Variants in STYK1 observed in about 807,000 individuals in gnomAD.
STYK1 encodes tyrosine-protein kinase STYK1.
STYK1 carries 46 observed loss-of-function variants against 48.1 expected under a neutral mutation model. The observed-to-expected ratio is 0.96, with a 90% CI of 0.75 to 1.22. The LOEUF (loss-of-function observed/expected upper bound fraction) is 1.22. Ranked by LOEUF, STYK1 falls within the 50% of genes most tolerant of loss-of-function variation. The pLI is 0.00. For synonymous variants in STYK1, 188 were observed against 189.0 expected (o/e 0.99, Z 0.04); for missense variants, 527 against 521.1 (o/e 1.01, Z -0.11).
intron 1 of STYK1, among the ~76,000 whole-genome samples, chr12:10,658,493 T>A (rs1330004272): frequency 1.3e-5 from 2 of 152,244 alleles, no homozygotes; most frequent in African/African-American, 4.8e-5. Flanking sequence ...TTTTGAGTTA[T>A]CGTTTTGGCT....
At chr12:10,640,129 T>G (rs1276593825) in intron 1 of STYK1, among the ~76,000 whole-genome samples, 2 of 152,194 alleles carry the variant, frequency 1.3e-5, no homozygotes, top group African/African-American at 4.8e-5. Flanking sequence ...TGATCCCCAA[T>G]CCTATTTCTA....
At chr12:10,623,462 A>G (rs1023996955) in intron 8 of STYK1, among the ~76,000 whole-genome samples, 2 of 152,302 alleles carry the variant, frequency 1.3e-5, no homozygotes, top group South Asian at 2.1e-4. Context: ...CCAAAAGTCA[A>G]TTGTGATTCT....
chr12:10,631,122 C>A lies in STYK1; in HGVS notation c.374G>T (p.Cys125Phe), dbSNP rs753832021. 6.2e-7 allele frequency: 1 copy of A among 1,614,184 alleles called. No individual in the cohort carries two copies. Residue 125 changes from cysteine to phenylalanine, a missense_variant, in exon 5 of 11, where the codon TGT (cysteine) becomes TTT (phenylalanine). Cys to Phe is a radical substitution (Grantham distance 205). Coordinates refer to ENST00000075503, the MANE Select transcript of STYK1 (RefSeq NM_018423.3). ...EVLEQICSGS[C>F]GPIFRANMNT... ...CATATTGGCTCGAAAGATGGGCCCA[C>A]AGCTACCACTGCAAATCTGCTCCAG...
Position 10,672,774 on chromosome 12 carries a change from CT to C in STYK1, c.-195+1191del, listed in dbSNP as rs375922621. Among the ~76,000 whole-genome samples the C allele has an allele frequency of 7.6e-4, 115 of 152,262 alleles. 2 individuals carry two copies. The East Asian group carries it at 0.015, about 20-fold the overall frequency. On this transcript the variant is annotated intron_variant, in intron 1 of 10. Coordinates refer to ENST00000075503, the MANE Select transcript of STYK1 (RefSeq NM_018423.3). This position sits in a 1 kb window ranked among gnomAD's most constrained non-coding sequence, Gnocchi z 4.0. The stretch of plus-strand genomic sequence containing the variant: ...TTTGTGGTACCTTGTTACAGCAGCC[CT>C]AGCAAACTCACACAGTAATGGAGGC...
At chr12:10,648,423 A>G (rs1947623971) in intron 1 of STYK1, among the ~76,000 whole-genome samples, 1 of 152,104 alleles carries the variant, frequency 6.6e-6, no homozygotes, top group Non-Finnish European at 1.5e-5. Context: ...GAAAACCACT[A>G]ATATGCCAAT....
intron 1 of STYK1, chr12:10,640,530 C>T (rs1451777371): frequency 1.3e-5 from 2 of 152,158 alleles, no homozygotes; most frequent in East Asian, 3.9e-4. Context: ...TGCCCTCCCC[C>T]ATTTCCTAGA....
intron 1 of STYK1, among the ~76,000 whole-genome samples, chr12:10,670,269 C>T (rs947618814): frequency 6.6e-6 from 1 of 152,126 alleles, no homozygotes; most frequent in African/African-American, 2.4e-5. Context: ...TCACATACTG[C>T]TGTCTGCACG....
chr12:10,619,122 A>G lies in STYK1; in HGVS notation c.*1022T>C, dbSNP rs1039880329. ...TTTCTATTGGCATTAACTTTCACTT[A>G]TTTACTTTTATCCTCCCTATGATAT... On this transcript the variant is annotated 3_prime_UTR_variant, in exon 11 of 11. Coordinates refer to ENST00000075503, the MANE Select transcript of STYK1 (RefSeq NM_018423.3). The G allele has an allele frequency of 6.6e-6, 1 of 152,166 alleles. No homozygotes were observed. The highest frequency in any genetic ancestry group is 1.5e-5 in the Non-Finnish European group (1 of 68,022). The allele number at this position is 152,166 out of a possible 1,614,324, so 9.4% of individuals were successfully genotyped here. A position where few individuals can be genotyped will look rare whatever the true frequency, so the allele number is the denominator to read the frequency against.
At chr12:10,669,801 A>G (rs1173905831) in intron 1 of STYK1, among the ~76,000 whole-genome samples, 1 of 152,200 alleles carries the variant, frequency 6.6e-6, no homozygotes, top group East Asian at 1.9e-4. Flanking sequence ...AAATAACTGT[A>G]CTAAAAATGA....
chr12:10,661,138 G>C (rs923794689), intron 1 of STYK1, among the ~76,000 whole-genome samples: 1 of 152,056 alleles, frequency 6.6e-6, no homozygotes, highest in African/African-American at 2.4e-5. Flanking sequence ...CAAGAAAAAA[G>C]TAATCTTCAA....
At chr12:10,623,996 G>A (rs1485007632) in intron 8 of STYK1, among the ~76,000 whole-genome samples, 2 of 152,002 alleles carry the variant, frequency 1.3e-5, no homozygotes, top group Non-Finnish European at 2.9e-5. Context: ...TTTTAACAAT[G>A]TATGGGTTAA....
At chr12:10,663,234 C>T (rs1257511362) in intron 1 of STYK1, among the ~76,000 whole-genome samples, 1 of 152,184 alleles carries the variant, frequency 6.6e-6, no homozygotes, top group African/African-American at 2.4e-5. Flanking sequence ...CTGCCTCAGC[C>T]TCCCAAGTAG....
At position 10,621,868 on chromosome 12, in the gene STYK1, C is replaced by A. The variant is rs754400068; in HGVS notation, c.1064+8G>T. On this transcript the variant is annotated splice_region_variant and intron_variant, in intron 10 of 10. Transcript: ENST00000075503. Reference sequence around the variant, plus strand: ...TGAAAGAGGAGCAGGCCTTTAAAAACCACTTACATGGTATGTGTGCAGCTA... The same window carrying A: ...TGAAAGAGGAGCAGGCCTTTAAAAAACACTTACATGGTATGTGTGCAGCTA... 1 of 1,613,202 alleles carries A rather than the reference C, an allele frequency of 6.2e-7. No individual in the cohort carries two copies. Among genetic ancestry groups the A allele is most frequent in the Non-Finnish European group, 8.5e-7 (1 of 1,179,334 alleles).
rs566271847 is a variant in STYK1 at position 10,619,686 on chromosome 12, G to C, written c.*458C>G. 2 of 215,278 alleles carry C rather than the reference G, an allele frequency of 9.3e-6. No homozygotes were observed. The highest frequency in any genetic ancestry group is 2.3e-5 in the African/African-American group (1 of 43,850). 13.3% of individuals were successfully genotyped at this position (215,278 alleles called of 1,614,324 possible). A position where few individuals can be genotyped will look rare whatever the true frequency, so the allele number is the denominator to read the frequency against. ...ACCACCTTTTCTTGAAGGAGGTGTT[G>C]GTCCATATCTGTAATCCTGAGCAAG... On this transcript the variant is annotated 3_prime_UTR_variant, in exon 11 of 11. Coordinates refer to ENST00000075503, the MANE Select transcript of STYK1 (RefSeq NM_018423.3).
intron 1 of STYK1, among the ~76,000 whole-genome samples, chr12:10,645,949 G>C (rs563272489): frequency 6.6e-6 from 1 of 152,284 alleles, no homozygotes; most frequent in African/African-American, 2.4e-5. Context: ...CACCATCCAC[G>C]TAAGATGTGA....
At chr12:10,642,504 C>A (rs1312347401) in intron 1 of STYK1, among the ~76,000 whole-genome samples, 2 of 152,148 alleles carry the variant, frequency 1.3e-5, no homozygotes, top group African/African-American at 4.8e-5. Context: ...CCTCTTCCTC[C>A]CTTCCTTCTT....
chr12:10,619,850 A>AC lies in STYK1; in HGVS notation c.*293_*294insG. 2 of 440,980 alleles carry AC rather than the reference A, an allele frequency of 4.5e-6. No homozygotes were observed. Among genetic ancestry groups the AC allele is most frequent in the Non-Finnish European group, 8.0e-6 (2 of 251,284 alleles). The allele number at this position is 440,980 out of a possible 1,614,324, so 27.3% of individuals were successfully genotyped here. On this transcript the variant is annotated 3_prime_UTR_variant, in exon 11 of 11. Transcript: ENST00000075503. Reference sequence around the variant, plus strand: ...CGGGAGGGATGAGCTTATTTGTGCCATGCCCCAACAAATACTGCAGAGTTC... The same window carrying AC: ...CGGGAGGGATGAGCTTATTTGTGCCACTGCCCCAACAAATACTGCAGAGTTC...
intron 1 of STYK1, among the ~76,000 whole-genome samples, chr12:10,655,546 T>C (rs1163013950): frequency 1.3e-5 from 2 of 152,240 alleles, no homozygotes; most frequent in African/African-American, 2.4e-5. Context: ...AGGTTGATAT[T>C]GGTGTGATCT....
intron 7 of STYK1, among the ~76,000 whole-genome samples, chr12:10,626,510 T>C (rs946774733): frequency 1.1e-4 from 17 of 152,272 alleles, no homozygotes; most frequent in African/African-American, 3.4e-4. Context: ...TACATCCCTA[T>C]ATTTCACACC....
Sources: gnomAD v4.1 joint callset for allele counts (sites outside exome capture counted in the v4.1 genomes callset) on GRCh38, gnomAD v4.1.1 for gene constraint, Gnocchi (gnomAD v3.1) non-coding constraint, MANE v1.5 for transcripts, NCBI Gene and HGNC (gene_info 2026-07-23, HGNC 2026-07-21) for gene names.